The following PYGB variants were observed in gnomAD, a reference collection of about 807,000 sequenced individuals.
PYGB encodes glycogen phosphorylase, brain form.
Under a neutral mutation model 94.3 loss-of-function variants are expected in PYGB, and 82 were observed. The observed-to-expected ratio is 0.87, with a 90% CI of 0.73 to 1.04. The LOEUF (loss-of-function observed/expected upper bound fraction) is 1.04. Among genes scored for constraint, PYGB ranks in the 50% least tolerant of loss-of-function variants. The pLI is 0.00. For missense variants in PYGB, 1,132 were observed against 1,158.2 expected, an observed-to-expected ratio of 0.98 and a Z score of 0.33; for synonymous variants, 488 against 479.1, an observed-to-expected ratio of 1.02 and a Z score of -0.24.
At chr20:25,270,578 G>A (rs570561905) in intron 3 of PYGB, among the ~76,000 whole-genome samples, 16 of 152,192 alleles carry the variant, frequency 1.1e-4, no homozygotes, top group Non-Finnish European at 1.9e-4. Flanking sequence ...GCTCACTGCA[G>A]CCTCAACCTC....
chr20:25,292,303 G>T, intron 16 of PYGB, 103 bp from the exon 17 acceptor site: 9 of 1,385,100 alleles, frequency 6.5e-6, no homozygotes, highest in South Asian at 1.3e-5. Flanking sequence ...GTCCCTCCAC[G>T]ACCCAGCCCC....
chr20:25,285,941 C>T (rs900343099), intron 14 of PYGB, among the ~76,000 whole-genome samples: 1 of 152,194 alleles, frequency 6.6e-6, no homozygotes, highest in African/African-American at 2.4e-5. Flanking sequence ...TTGTTCAAAA[C>T]GGCCTGGACC....
chr20:25,261,591 A>G (rs1466799773), intron 2 of PYGB, among the ~76,000 whole-genome samples: 1 of 152,254 alleles, frequency 6.6e-6, no homozygotes, highest in Non-Finnish European at 1.5e-5. Context: ...CTCCAAAGGA[A>G]CGCAGCTCCT....
chr20:25,279,562 T>C (rs1179055661), intron 9 of PYGB, among the ~76,000 whole-genome samples: 1 of 152,110 alleles, frequency 6.6e-6, no homozygotes, highest in African/African-American at 2.4e-5. Flanking sequence ...CAAATCAACA[T>C]GTGGAACCAT....
intron 2 of PYGB, among the ~76,000 whole-genome samples, chr20:25,264,542 A>T (rs1034932233): frequency 1.3e-5 from 2 of 152,194 alleles, no homozygotes; most frequent in Non-Finnish European, 2.9e-5. Flanking sequence ...TCTCAGCCCC[A>T]AATCTCCTTA....
chr20:25,249,106 A>G (rs1375973845), intron 1 of PYGB, among the ~76,000 whole-genome samples: 1 of 152,214 alleles, frequency 6.6e-6, no homozygotes, highest in Non-Finnish European at 1.5e-5. Flanking sequence ...AATTTGTTTG[A>G]GTAGTGAAAC....
Position 25,280,436 on chromosome 20 carries a change from T to C in PYGB, c.1239+24T>C. 6 of 1,612,774 alleles carry C rather than the reference T, an allele frequency of 3.7e-6. No individual in the cohort carries two copies. The South Asian group carries it at 6.6e-5, about 18-fold the overall frequency. Reference sequence around the variant, plus strand: ...ACGTGAGTGTGGGCCCAGCTGGCCGTGTAGGGTGGCGGCTACACCCATGCC... The same window carrying C: ...ACGTGAGTGTGGGCCCAGCTGGCCGCGTAGGGTGGCGGCTACACCCATGCC... On this transcript the variant is annotated intron_variant, in intron 10 of 19. Transcript: ENST00000216962.
At chr20:25,256,728 A>G (rs1395602434) in intron 1 of PYGB, among the ~76,000 whole-genome samples, 1 of 152,194 alleles carries the variant, frequency 6.6e-6, no homozygotes, top group African/African-American at 2.4e-5. Context: ...CTCCCTGAGC[A>G]GGGAAGCCCT....
At chr20:25,290,297 G>T (rs966745284) in intron 15 of PYGB, among the ~76,000 whole-genome samples, 184 bp from the exon 16 acceptor site, 7 of 152,220 alleles carry the variant, frequency 4.6e-5, no homozygotes, top group Admixed American at 2.0e-4. Context: ...GGCCACCATC[G>T]TGAGTGCGCA....
intron 1 of PYGB, among the ~76,000 whole-genome samples, chr20:25,257,873 G>C (rs2092905738): frequency 6.6e-6 from 1 of 152,170 alleles, no homozygotes; most frequent in Non-Finnish European, 1.5e-5. Flanking sequence ...CCAGAGGGGG[G>C]AGGCAGGTGC....
intron 2 of PYGB, among the ~76,000 whole-genome samples, chr20:25,260,938 T>C (rs1759724292): frequency 1.3e-5 from 2 of 152,140 alleles, no homozygotes; most frequent in Admixed American, 1.3e-4. Context: ...GGGAGGGGCG[T>C]CCGCCATTGC....
chr20:25,276,881 G>A, intron 6 of PYGB, 124 bp downstream of exon 6: 1 of 848,148 alleles, frequency 1.2e-6, no homozygotes, highest in Non-Finnish European at 1.8e-6. Flanking sequence ...CCTCCTCTAG[G>A]GTGTCCCTGC....
In PYGB at chr20:25,295,488, G is replaced by A. The variant is rs1163628924; in HGVS notation, c.2313-116G>A. On this transcript the variant is annotated intron_variant, in intron 18 of 19. Transcript: ENST00000216962. ...ACCAGCTGCGTGGGTGGGCCCCTTCGCTCCAGACAGGACCAGGTGGATGGT... is the reference window on the plus strand; with the variant it reads ...ACCAGCTGCGTGGGTGGGCCCCTTCACTCCAGACAGGACCAGGTGGATGGT... 65 of 1,237,864 alleles carry A rather than the reference G, an allele frequency of 5.3e-5. No individual in the cohort carries two copies. The South Asian group carries it at 5.3e-4, about 10-fold the overall frequency. The allele number at this position is 1,237,864 out of a possible 1,614,324, so 76.7% of individuals were successfully genotyped here. A position where few individuals can be genotyped will look rare whatever the true frequency, so the allele number is the denominator to read the frequency against.
intron 4 of PYGB, among the ~76,000 whole-genome samples, chr20:25,272,623 A>G (rs1371396439): frequency 1.3e-5 from 2 of 152,228 alleles, no homozygotes; most frequent in African/African-American, 4.8e-5. Flanking sequence ...AAATGTTGGT[A>G]AAGAAAAGAA....
At chr20:25,278,763 C>T (rs916607750) in intron 8 of PYGB, among the ~76,000 whole-genome samples, 1 of 152,226 alleles carries the variant, frequency 6.6e-6, no homozygotes, top group African/African-American at 2.4e-5. Context: ...AGTGAGAGAG[C>T]CCCCAGCCCC....
chr20:25,276,717 G>C lies in PYGB; in HGVS notation c.732G>C (p.Leu244=). The C allele has an allele frequency of 6.2e-7, 1 of 1,614,044 alleles. No individual in the cohort carries two copies. Among genetic ancestry groups the C allele is most frequent in the African/African-American group, 1.3e-5 (1 of 75,046 alleles). The stretch of plus-strand genomic sequence containing the variant: ...ACAACACCGTCAACACCATGCGGCT[G>C]TGGTCCGCCAAGGCTCCCAACGACT... ...YKNNTVNTMR[L]WSAKAPNDFK... is the part of the protein sequence containing the mutation. The change falls in exon 6 of 20, where the codon CTG becomes CTC. Residue 244 remains leucine (L), a synonymous_variant. Transcript: ENST00000216962.
rs1048243383 is a variant in PYGB at position 25,294,311 on chromosome 20, G to C, written c.2312+19G>C. 5.4e-6 allele frequency: 5 copies of C among 927,558 alleles called. No individual in the cohort carries two copies. The highest frequency in any genetic ancestry group is 4.8e-6 in the Non-Finnish European group (3 of 619,158). 57.5% of individuals were successfully genotyped at this position (927,558 alleles called of 1,614,324 possible). A position where few individuals can be genotyped will look rare whatever the true frequency, so the allele number is the denominator to read the frequency against. ...ATGACAGGTGGGACCGACTTCCCTG[G>C]TTGGGTGGCTGGGAGGGAGGGAGGG... On this transcript the variant is annotated intron_variant, in intron 18 of 19. Coordinates refer to ENST00000216962, the MANE Select transcript of PYGB (RefSeq NM_002862.4).
At chr20:25,290,429 A>AG (rs1207293924) in intron 15 of PYGB, 52 bp from the exon 16 acceptor site, 2 of 1,585,234 alleles carry the variant, frequency 1.3e-6, no homozygotes, top group African/African-American at 2.7e-5. Context: ...AGCGCCTCCA[A>AG]GGGCCTGAAC....
chr20:25,274,549 G>T, intron 4 of PYGB, 43 bp from the exon 5 acceptor site: 2 of 1,600,494 alleles, frequency 1.2e-6, no homozygotes, highest in South Asian at 1.1e-5. Flanking sequence ...GGTGGCCTGG[G>T]ACATCTGCGC....
Sources: allele counts gnomAD v4.1 joint callset (sites outside exome capture counted in the v4.1 genomes callset), GRCh38; gene constraint gnomAD v4.1.1; transcripts MANE v1.5; gene names NCBI Gene and HGNC (gene_info 2026-07-23, HGNC 2026-07-21).